TENM2: variants seen among roughly 807,000 people sequenced by gnomAD.
TENM2 encodes teneurin-2.
A neutral mutation model predicts 245.2 loss-of-function variants in TENM2; 52 were observed. The ratio of observed to expected loss-of-function variants is 0.21; its 90% CI spans 0.17 to 0.27. TENM2 has a LOEUF of 0.27. Among genes scored for constraint, TENM2 ranks in the 10% least tolerant of loss-of-function variants. The probability of loss-of-function intolerance (pLI) is 1.00; values close to 1 mark genes in which losing one functional copy is unlikely to be tolerated. For missense variants in TENM2, 3,046 were observed against 3,666.8 expected (o/e 0.83, Z 4.37); for synonymous variants, 1,363 against 1,438.9 (o/e 0.95, Z 1.19).
intron 18 of TENM2, 45 bp from the exon 21 acceptor site, chr5:168,204,327 C>T (rs769827792): frequency 3.1e-6 from 5 of 1,590,250 alleles, no homozygotes; most frequent in Non-Finnish European, 4.3e-6. Context: ...CACATGTCTT[C>T]CCCAGAGGGC....
At position 167,932,351 on chromosome 5, in the gene TENM2, CT is replaced by C. The variant is rs561211628; in HGVS notation, c.713-20236del. On this transcript the variant is annotated intron_variant, in intron 3 of 28. Transcript: ENST00000518659. ...TACAGTCTGTATTTGCTCATGGTAG[CT>C]GTCTCATTATTAATTATTCAGGGTC... Among the ~76,000 whole-genome samples, 233 of 152,260 alleles carry C rather than the reference CT, an allele frequency of 1.5e-3. 1 individual carries two copies. Among genetic ancestry groups the C allele is most frequent in the Non-Finnish European group, 2.7e-3 (184 of 68,012 alleles).
intron 2 of TENM2, among the ~76,000 whole-genome samples, chr5:167,715,399 G>A (rs962201710): frequency 8.5e-5 from 13 of 152,168 alleles, no homozygotes; most frequent in Admixed American, 3.3e-4. Context: ...CATGGGCTAC[G>A]GTAGAGGCCC....
chr5:167,881,128 A>G (rs1773843753), intron 3 of TENM2, among the ~76,000 whole-genome samples: 2 of 152,176 alleles, frequency 1.3e-5, no homozygotes, highest in Admixed American at 1.3e-4. Flanking sequence ...TATATATCTT[A>G]GGTTTTAGAA....
chr5:167,728,553 A>G (rs140095383), intron 2 of TENM2: 88 of 152,440 alleles, frequency 5.8e-4, no homozygotes, highest in African/African-American at 1.9e-3. Flanking sequence ...GCAGTGAGCT[A>G]TGATTGCACC....
At chr5:167,808,611 A>G (rs1284370558) in intron 2 of TENM2, among the ~76,000 whole-genome samples, 2 of 152,176 alleles carry the variant, frequency 1.3e-5, no homozygotes, top group Non-Finnish European at 2.9e-5. Flanking sequence ...GCAAATGTCA[A>G]CTTCATTACT....
At chr5:167,698,810 A>G (rs1437928887) in intron 2 of TENM2, among the ~76,000 whole-genome samples, 1 of 148,604 alleles carries the variant, frequency 6.7e-6, no homozygotes, top group Non-Finnish European at 1.5e-5. Flanking sequence ...CAGCCTCCTG[A>G]GTAGCTGGGA....
intron 24 of TENM2, among the ~76,000 whole-genome samples, chr5:168,227,277 C>T (rs866607069): frequency 2.0e-5 from 3 of 152,224 alleles, no homozygotes; most frequent in Non-Finnish European, 2.9e-5. Context: ...TATCAGCACC[C>T]ACCCACTGAC....
the TENM2 span, among the ~76,000 whole-genome samples, chr5:167,259,001 C>G: frequency 6.6e-6 from 1 of 152,274 alleles, no homozygotes; most frequent in Admixed American, 6.5e-5. Context: ...TCAGAATCAT[C>G]TGCAGACTTG....
chr5:166,988,505 T>C, the TENM2 span, among the ~76,000 whole-genome samples: 185 of 152,336 alleles, frequency 1.2e-3, 1 homozygote, highest in African/African-American at 4.1e-3. Flanking sequence ...TATTTTCCAA[T>C]AATTTATAGA....
At chr5:167,379,345 A>G (rs1397906572) in intron 2 of TENM2, among the ~76,000 whole-genome samples, 2 of 152,144 alleles carry the variant, frequency 1.3e-5, no homozygotes, top group African/African-American at 4.8e-5. Flanking sequence ...ACTGCTTGTT[A>G]ACTGAGACAT....
chr5:167,924,932 T>TGGTA (rs1777636313), intron 3 of TENM2, among the ~76,000 whole-genome samples: 1 of 152,162 alleles, frequency 6.6e-6, no homozygotes, highest in Non-Finnish European at 1.5e-5. Context: ...ACTCTACATG[T>TGGTA]GGTAGGTGTA....
Position 168,099,889 on chromosome 5 carries a change from A to G in TENM2, c.1813+1762A>G, listed in dbSNP as rs1036123123. ...GTCACACAGTATGGTGAAAGCTTCG[A>G]TAAACTTAAAAAGAAGGCAAGGTTT... On this transcript the variant is annotated intron_variant, in intron 9 of 28. Transcript: ENST00000518659. 1.8e-4 allele frequency among the ~76,000 whole-genome samples: 27 copies of G among 152,366 alleles called. 3 individuals carry two copies. Among genetic ancestry groups the G allele is most frequent in the Admixed American group, 1.0e-3 (16 of 15,302 alleles).
At chr5:168,057,310 A>AAC (rs112117017) in intron 6 of TENM2, among the ~76,000 whole-genome samples, 25,259 of 148,902 alleles carry the variant, frequency 0.17, 2,782 homozygotes, top group African/African-American at 0.3. Flanking sequence ...CGCCTCGCCC[A>AAC]ACACACACAC....
At chr5:167,335,888 G>A (rs968962089) in intron 1 of TENM2, among the ~76,000 whole-genome samples, 1 of 152,126 alleles carries the variant, frequency 6.6e-6, no homozygotes, top group Non-Finnish European at 1.5e-5. Context: ...GAGATATGTT[G>A]AGCTAGGTGT....
chr5:167,802,980 G>T (rs1765893965), intron 2 of TENM2, among the ~76,000 whole-genome samples: 1 of 152,132 alleles, frequency 6.6e-6, no homozygotes, highest in Non-Finnish European at 1.5e-5. Flanking sequence ...ATGAGTATTT[G>T]CAAAGACGGT....
At position 167,539,134 on chromosome 5, in the gene TENM2, A is replaced by G. The variant is rs149385258; in HGVS notation, c.502+163661A>G. Among the ~76,000 whole-genome samples the G allele has an allele frequency of 5.4e-3, 830 of 152,308 alleles. 6 individuals are homozygous for G. The highest frequency in any genetic ancestry group is 8.6e-3 in the Non-Finnish European group (583 of 68,024). ...AGCATTCACAGGTGAGTAGTTTAAA[A>G]AAAAAGTCTCACACCAACTGAAATA... On this transcript the variant is annotated intron_variant, in intron 2 of 28. Coordinates refer to ENST00000518659, the Ensembl canonical transcript of TENM2.
At position 167,982,634 on chromosome 5, in the gene TENM2, A is replaced by G. The variant is rs111952660; in HGVS notation, c.948-10310A>G. Among the ~76,000 whole-genome samples the G allele has an allele frequency of 1.5e-3, 223 of 152,232 alleles. 1 individual carries two copies. The highest frequency in any genetic ancestry group is 5.0e-3 in the African/African-American group (207 of 41,538). On this transcript the variant is annotated intron_variant, in intron 4 of 28. Coordinates refer to ENST00000518659, the Ensembl canonical transcript of TENM2. ...GAGAATACCTAGCTTTCCCCACATCATGCAGCTCCTGGAGGAGTTGAGATT... is the reference window on the plus strand; with the variant it reads ...GAGAATACCTAGCTTTCCCCACATCGTGCAGCTCCTGGAGGAGTTGAGATT...
At chr5:168,049,617 G>C (rs1365585793) in intron 6 of TENM2, among the ~76,000 whole-genome samples, 1 of 152,074 alleles carries the variant, frequency 6.6e-6, no homozygotes, top group Non-Finnish European at 1.5e-5. Flanking sequence ...AATCTTAAGA[G>C]TACAAGAGTA....
At chr5:167,502,096 C>G (rs1348622328) in intron 2 of TENM2, among the ~76,000 whole-genome samples, 2 of 151,872 alleles carry the variant, frequency 1.3e-5, no homozygotes, top group African/African-American at 2.4e-5. Context: ...TTCATTTTGA[C>G]ATGAACTCTG....
Sources: gnomAD v4.1 joint callset for allele counts (sites outside exome capture counted in the v4.1 genomes callset) on GRCh38, gnomAD v4.1.1 for gene constraint, MANE v1.5 for transcripts, NCBI Gene and HGNC (gene_info 2026-07-23, HGNC 2026-07-21) for gene names.